DGKB: variants seen among roughly 807,000 people sequenced by gnomAD.
The protein encoded by DGKB is diacylglycerol kinase beta.
In DGKB, 67 loss-of-function variants were observed where a neutral mutation model predicts 114.3. The observed-to-expected ratio is 0.59, with a 90% confidence interval of 0.48 to 0.72. The LOEUF is 0.72. Among genes scored for constraint, DGKB ranks in the 30% least tolerant of loss-of-function variants. The pLI is 0.00. For synonymous variants in DGKB, 398 were observed against 323.1 expected (o/e 1.23, Z -2.49); for missense variants, 907 against 975.2 (o/e 0.93, Z 0.93).
At chr7:14,907,926 A>G (rs1319438979), upstream of DGKB, among the ~76,000 whole-genome samples, 1 of 152,216 alleles carries the variant, frequency 6.6e-6, no homozygotes, top group Non-Finnish European at 1.5e-5. Flanking sequence ...ATAATTAAGG[A>G]ACCACAGAAA....
chr7:14,665,588 A>G (rs1282476818), intron 13 of DGKB, among the ~76,000 whole-genome samples: 1 of 152,064 alleles, frequency 6.6e-6, no homozygotes, highest in Non-Finnish European at 1.5e-5. Context: ...AAACAAAACT[A>G]AATCATGGAG....
intron 2 of DGKB, among the ~76,000 whole-genome samples, chr7:14,785,929 A>G (rs1839830426): frequency 6.6e-6 from 1 of 151,640 alleles, no homozygotes. Flanking sequence ...AGATCTACGG[A>G]TAAAGAAAGT....
At chr7:14,573,481 G>A (rs986192163) in intron 20 of DGKB, among the ~76,000 whole-genome samples, 2 of 151,442 alleles carry the variant, frequency 1.3e-5, no homozygotes, top group Admixed American at 1.3e-4. Flanking sequence ...GTGTGTGTGT[G>A]TGTGTGTGTG....
At chr7:14,855,113 G>C (rs1849936165) in intron 1 of DGKB, among the ~76,000 whole-genome samples, 2 of 152,174 alleles carry the variant, frequency 1.3e-5, no homozygotes, top group South Asian at 4.1e-4. Flanking sequence ...TTCAAGGTGT[G>C]AAATGAGGTT....
At chr7:14,789,624 C>G (rs181177476) in intron 2 of DGKB, among the ~76,000 whole-genome samples, 1 of 152,050 alleles carries the variant, frequency 6.6e-6, no homozygotes, top group Non-Finnish European at 1.5e-5. Flanking sequence ...ACACAATCTT[C>G]GCTCACTGAA....
chr7:14,220,405 A>G (rs756853453), intron 23 of DGKB, among the ~76,000 whole-genome samples: 1 of 151,148 alleles, frequency 6.6e-6, no homozygotes, highest in African/African-American at 2.4e-5. Context: ...TGGTCTTGGC[A>G]CTCTTATCTA....
intron 2 of DGKB, among the ~76,000 whole-genome samples, chr7:14,787,895 C>G (rs1312021523): frequency 6.6e-6 from 1 of 152,200 alleles, no homozygotes; most frequent in Non-Finnish European, 1.5e-5. Flanking sequence ...TTTTCTGCTG[C>G]TAGCAAAGAG....
intron 2 of DGKB, among the ~76,000 whole-genome samples, chr7:14,794,060 C>G (rs970354589): frequency 6.6e-6 from 1 of 152,156 alleles, no homozygotes; most frequent in Non-Finnish European, 1.5e-5. Context: ...ACTCCATCAG[C>G]TTTCCTGGGT....
chr7:14,470,830 A>G (rs920060777), intron 21 of DGKB, among the ~76,000 whole-genome samples: 5 of 151,654 alleles, frequency 3.3e-5, no homozygotes, highest in Non-Finnish European at 5.9e-5. Flanking sequence ...GAATACATCA[A>G]CAGAATATAT....
chr7:14,398,792 CTAA>C (rs1452467921), intron 21 of DGKB, among the ~76,000 whole-genome samples: 1 of 39,282 alleles, frequency 2.5e-5, no homozygotes, highest in Non-Finnish European at 8.1e-5. Context: ...TGGTCTATGA[CTAA>C]AAAAAAAAAG....
chr7:14,304,087 A>ACACACACACACACCCTCT (rs140836395), intron 23 of DGKB, among the ~76,000 whole-genome samples: 1 of 110,072 alleles, frequency 9.1e-6, no homozygotes, highest in African/African-American at 3.6e-5. Flanking sequence ...ACACACACAC[A>ACACACACACACACCCTCT]CTCTCTCTCT....
At chr7:14,394,946 A>G (rs1053688997) in intron 21 of DGKB, among the ~76,000 whole-genome samples, 1 of 152,140 alleles carries the variant, frequency 6.6e-6, no homozygotes, top group Non-Finnish European at 1.5e-5. Flanking sequence ...ACTTTTCTGT[A>G]TGTAGAAAAT....
Position 14,720,473 on chromosome 7 carries a change from T to TTGTGTGTGTG in DGKB, c.323-1798_323-1789dup, listed in dbSNP as rs61654464. On this transcript the variant is annotated intron_variant, in intron 5 of 25. Transcript: ENST00000402815. ...GTGCGGGACACCACGCCCGGCTGAT[T>TTGTGTGTGTG]TGTGTGTGTGTGTGTGTGTGTGTGT... Among the ~76,000 whole-genome samples the TTGTGTGTGTG allele has an allele frequency of 5.6e-3, 765 of 136,528 alleles. 10 individuals are homozygous for TTGTGTGTGTG. The highest frequency in any genetic ancestry group is 0.02 in the African/African-American group (699 of 35,074). The allele number at this position is 136,528 out of a possible 152,430, so 89.6% of individuals were successfully genotyped here.
At chr7:14,581,745 G>A (rs1352457696) in intron 18 of DGKB, among the ~76,000 whole-genome samples, 2 of 152,126 alleles carry the variant, frequency 1.3e-5, no homozygotes, top group African/African-American at 4.8e-5. Flanking sequence ...GTAGGGAAAT[G>A]TCACAATGAA....
intron 23 of DGKB, among the ~76,000 whole-genome samples, chr7:14,309,702 A>G (rs892048721): frequency 6.6e-6 from 1 of 152,172 alleles, no homozygotes; most frequent in South Asian, 2.1e-4. Flanking sequence ...TTCTTATAGG[A>G]TAATTCTTGT....
intron 23 of DGKB, among the ~76,000 whole-genome samples, chr7:14,207,623 A>G (rs1465717895): frequency 6.6e-6 from 1 of 152,058 alleles, no homozygotes; most frequent in Non-Finnish European, 1.5e-5. Flanking sequence ...GGGGGTAACT[A>G]ATATCAGTAA....
chr7:14,830,389 C>A (rs185679706), intron 2 of DGKB, among the ~76,000 whole-genome samples: 3 of 151,390 alleles, frequency 2.0e-5, no homozygotes, highest in Admixed American at 6.6e-5. Context: ...GCAGAAATTT[C>A]AAAAAAAATA....
chr7:14,201,741 TGAATATATATCTGTA>T (rs144251893), intron 23 of DGKB, among the ~76,000 whole-genome samples: 3,940 of 152,078 alleles, frequency 0.026, 76 homozygotes, highest in East Asian at 0.093. Flanking sequence ...GACGGCCTGG[TGAATATATATCTGTA>T]GATGTGAACA....
chr7:14,850,320 A>G (rs1304476408), intron 1 of DGKB, among the ~76,000 whole-genome samples: 1 of 145,402 alleles, frequency 6.9e-6, no homozygotes, highest in Non-Finnish European at 1.5e-5. Context: ...TATCCAGAGA[A>G]AAAATATGAA....
Sources: gnomAD v4.1 joint callset for allele counts (sites outside exome capture counted in the v4.1 genomes callset) on GRCh38, gnomAD v4.1.1 for gene constraint, MANE v1.5 for transcripts, NCBI Gene and HGNC (gene_info 2026-07-23, HGNC 2026-07-21) for gene names.